Variants in MARK3 observed in about 807,000 individuals in gnomAD.
The protein encoded by MARK3 is microtubule affinity regulating kinase 3.
In MARK3, 46 loss-of-function variants were observed where a neutral mutation model predicts 90.1. The observed-to-expected ratio is 0.51, with a 90% CI of 0.40 to 0.65. MARK3 has a LOEUF of 0.65. Ranked by LOEUF, MARK3 falls within the 30% of genes least tolerant of loss-of-function variation. The pLI is 0.00. For synonymous variants in MARK3, 321 were observed against 332.6 expected (o/e 0.97, Z 0.38); for missense variants, 818 against 947.2 (o/e 0.86, Z 1.79).
At chr14:103,458,695 G>C (rs2093333508) in intron 6 of MARK3, 11 of 666,578 alleles carry the variant, frequency 1.7e-5, no homozygotes, top group African/African-American at 9.1e-5. Flanking sequence ...TTTTTTCTTA[G>C]AACCTTTATA....
intron 14 of MARK3, among the ~76,000 whole-genome samples, chr14:103,488,759 C>T (rs1284669730): frequency 6.6e-6 from 1 of 152,122 alleles, no homozygotes; most frequent in Non-Finnish European, 1.5e-5. Flanking sequence ...ATCGCTTGAC[C>T]CCAGGAGGTT....
chr14:103,388,415 T>C (rs534620067), intron 1 of MARK3, among the ~76,000 whole-genome samples: 2 of 152,366 alleles, frequency 1.3e-5, no homozygotes, highest in African/African-American at 4.8e-5. Context: ...ATAGTCCATA[T>C]TAATTACCTA....
chr14:103,490,847 G>T (rs1002284382), intron 14 of MARK3: 2 of 589,430 alleles, frequency 3.4e-6, no homozygotes, highest in African/African-American at 4.0e-5. Flanking sequence ...TACCAGAAAT[G>T]AGATGGCTTG....
At chr14:103,422,348 G>C (rs1215039020) in intron 2 of MARK3, among the ~76,000 whole-genome samples, 1 of 152,194 alleles carries the variant, frequency 6.6e-6, no homozygotes, top group African/African-American at 2.4e-5. Flanking sequence ...CCAGCTACTT[G>C]AGAGGCTGAG....
intron 1 of MARK3, among the ~76,000 whole-genome samples, chr14:103,389,567 T>C (rs1185577706): frequency 1.1e-5 from 1 of 93,398 alleles, no homozygotes; most frequent in Non-Finnish European, 2.1e-5. Context: ...CTTGCAACAT[T>C]ATCTTCATCC....
At chr14:103,441,288 T>A (rs534349205) in intron 3 of MARK3, among the ~76,000 whole-genome samples, 1 of 152,188 alleles carries the variant, frequency 6.6e-6, no homozygotes, top group South Asian at 2.1e-4. Context: ...TTTGTTTTTT[T>A]GTTTTTTTGT....
chr14:103,450,875 AGTGT>A (rs61183226), intron 4 of MARK3, among the ~76,000 whole-genome samples: 2,693 of 114,712 alleles, frequency 0.023, 49 homozygotes, highest in South Asian at 0.06. Context: ...TCATTTTTAA[AGTGT>A]GTGTGTGTGT....
intron 2 of MARK3, among the ~76,000 whole-genome samples, chr14:103,410,369 T>C (rs2091558646): frequency 6.6e-6 from 1 of 152,216 alleles, no homozygotes; most frequent in Admixed American, 6.5e-5. Flanking sequence ...GCCTTAGTAC[T>C]GCTGCAACAG....
At chr14:103,403,922 A>G (rs962955069) in intron 1 of MARK3, among the ~76,000 whole-genome samples, 1 of 152,242 alleles carries the variant, frequency 6.6e-6, no homozygotes, top group African/African-American at 2.4e-5. Context: ...TTGCAATAAA[A>G]ACAGAAATTG....
chr14:103,494,308 T>G (rs2075200464), intron 15 of MARK3, among the ~76,000 whole-genome samples: 1 of 150,292 alleles, frequency 6.7e-6, no homozygotes, highest in South Asian at 2.1e-4. Flanking sequence ...TCCCAGCACT[T>G]TGGGAGGCCG....
intron 12 of MARK3, among the ~76,000 whole-genome samples, chr14:103,473,512 G>A (rs765247570): frequency 1.3e-5 from 2 of 152,100 alleles, no homozygotes; most frequent in African/African-American, 4.8e-5. Context: ...CATGGTATTG[G>A]GAAGAAAGAT....
At chr14:103,392,964 C>T (rs1702372444) in intron 1 of MARK3, among the ~76,000 whole-genome samples, 1 of 151,946 alleles carries the variant, frequency 6.6e-6, no homozygotes, top group Non-Finnish European at 1.5e-5. Flanking sequence ...CAGCCGCCAC[C>T]ACACCCAGCT....
At chr14:103,389,528 C>CAAA (rs67737305) in intron 1 of MARK3, among the ~76,000 whole-genome samples, 70 of 49,844 alleles carry the variant, frequency 1.4e-3, no homozygotes, top group East Asian at 5.5e-3. Flanking sequence ...ACTCTGTCTC[C>CAAA]AAAAAAAAAA....
chr14:103,448,351 C>G (rs2093046641), intron 3 of MARK3, among the ~76,000 whole-genome samples: 1 of 152,098 alleles, frequency 6.6e-6, no homozygotes, highest in African/African-American at 2.4e-5. Context: ...GGGCACTCCA[C>G]AAAAGCGTGA....
chr14:103,408,992 G>C (rs1178523120), intron 2 of MARK3, among the ~76,000 whole-genome samples: 1 of 152,114 alleles, frequency 6.6e-6, no homozygotes, highest in Non-Finnish European at 1.5e-5. Flanking sequence ...ACCAGTTCCA[G>C]GTGGCTACTT....
chr14:103,468,981 TTCAC>T (rs1405499231), intron 12 of MARK3, among the ~76,000 whole-genome samples: 2 of 151,832 alleles, frequency 1.3e-5, no homozygotes, highest in Non-Finnish European at 1.5e-5. Flanking sequence ...TGTAGTTCTA[TTCAC>T]TCTCTTCACC....
At chr14:103,409,353 G>A (rs2091488551) in intron 2 of MARK3, among the ~76,000 whole-genome samples, 1 of 149,124 alleles carries the variant, frequency 6.7e-6, no homozygotes, top group South Asian at 2.1e-4. Context: ...TAGCTGATGG[G>A]TCGATGGGCG....
chr14:103,503,196 C>T lies in MARK3; in HGVS notation c.2231C>T (p.Ala744Val). The T allele has an allele frequency of 6.2e-7, 1 of 1,611,070 alleles. No homozygotes were observed. Among genetic ancestry groups the T allele is most frequent in the Non-Finnish European group, 8.5e-7 (1 of 1,177,446 alleles). Reference sequence around the variant, plus strand: ...ACATCCATAGCCTTCAAAAATATTGCTTCCAAAATTGCCAATGAGCTAAAG... The same window carrying T: ...ACATCCATAGCCTTCAAAAATATTGTTTCCAAAATTGCCAATGAGCTAAAG... ...SGTSIAFKNI[A>V]SKIANELKL Residue 744 changes from alanine to valine, a missense_variant, in exon 18 of 18, where the codon GCT (alanine) becomes GTT (valine). Ala to Val is a moderately conservative substitution (Grantham distance 64). Coordinates refer to ENST00000429436, the MANE Select transcript of MARK3 (RefSeq NM_001128918.3).
chr14:103,427,497 CAAA>C (rs71126021), intron 2 of MARK3, among the ~76,000 whole-genome samples: 3 of 110,816 alleles, frequency 2.7e-5, no homozygotes, highest in African/African-American at 6.6e-5. Context: ...GAGACTGTTT[CAAA>C]AAAAAAAAAA....
Sources: gnomAD v4.1 joint callset for allele counts (sites outside exome capture counted in the v4.1 genomes callset) on GRCh38, gnomAD v4.1.1 for gene constraint, MANE v1.5 for transcripts, NCBI Gene and HGNC (gene_info 2026-07-23, HGNC 2026-07-21) for gene names.